ABCA13: variants seen among roughly 807,000 people sequenced by gnomAD.
ABCA13 encodes the protein ATP-binding cassette sub-family A member 13.
A neutral mutation model predicts 478.7 loss-of-function variants in ABCA13; 476 were observed. That is an observed-to-expected ratio of 0.99 (90% CI 0.92 to 1.07). ABCA13 has a LOEUF of 1.07. ABCA13 is among the 50% of genes least tolerant of loss of function. ABCA13 has a pLI of 0.00. For missense variants in ABCA13, 6,060 were observed against 5,910.6 expected, an observed-to-expected ratio of 1.03 and a Z score of -0.83; for synonymous variants, 2,252 against 2,158.9, an observed-to-expected ratio of 1.04 and a Z score of -1.20.
chr7:48,557,793 G>A (rs529330243), intron 55 of ABCA13, among the ~76,000 whole-genome samples: 6 of 151,996 alleles, frequency 3.9e-5, no homozygotes, highest in Non-Finnish European at 8.8e-5. Context: ...AATTACATTT[G>A]CACCAACGTA....
At chr7:48,197,827 T>G (rs922784093) in intron 2 of ABCA13, among the ~76,000 whole-genome samples, 9 of 152,310 alleles carry the variant, frequency 5.9e-5, no homozygotes, top group African/African-American at 2.2e-4. Context: ...CTTGAAGTTT[T>G]TTTGCCAAAA....
chr7:48,368,978 A>G (rs993685099), intron 32 of ABCA13, among the ~76,000 whole-genome samples: 1 of 151,978 alleles, frequency 6.6e-6, no homozygotes, highest in Non-Finnish European at 1.5e-5. Flanking sequence ...GAATCTCCAC[A>G]CTGTTTTCCA....
chr7:48,632,561 T>A lies in ABCA13; in HGVS notation c.14838-10727T>A, dbSNP rs532707551. Among the ~76,000 whole-genome samples the A allele has an allele frequency of 2.7e-4, 41 of 152,352 alleles. 2 individuals carry two copies. In the South Asian group the frequency reaches 8.3e-3, roughly 31 times the overall value. On this transcript the variant is annotated intron_variant, in intron 59 of 61. Coordinates refer to ENST00000435803, the MANE Select transcript of ABCA13 (RefSeq NM_152701.5). The stretch of plus-strand genomic sequence containing the variant: ...TATAGTTTTAGCACTTACATTTAAG[T>A]CTTCGATTCATCTTTAGTAATTCTT...
intron 48 of ABCA13, among the ~76,000 whole-genome samples, chr7:48,502,342 G>A (rs1248936692): frequency 1.3e-5 from 2 of 152,200 alleles, no homozygotes; most frequent in Non-Finnish European, 2.9e-5. Flanking sequence ...CTAGGATACA[G>A]AAAGCAAATA....
chr7:48,588,261 A>G (rs757595628), intron 57 of ABCA13, among the ~76,000 whole-genome samples: 14 of 152,226 alleles, frequency 9.2e-5, no homozygotes, highest in Non-Finnish European at 1.9e-4. Context: ...AGAATCTGAT[A>G]ATAAAAACTA....
rs1233100880 is a variant in ABCA13 at position 48,313,251 on chromosome 7, C to T, written c.9681+20C>T. The T allele has an allele frequency of 6.3e-7, 1 of 1,589,650 alleles. No homozygotes were observed. The highest frequency in any genetic ancestry group is 1.3e-5 in the African/African-American group (1 of 74,482). ...CAACAGGTGTGTGTTTCATCTTTGT[C>T]CCTAGGGAAATATTCAAATTTGCCC... On this transcript the variant is annotated intron_variant, in intron 25 of 61. Transcript: ENST00000435803.
chr7:48,645,333 T>C, intron 61 of ABCA13, 84 bp from the exon 62 acceptor site: 2 of 1,095,218 alleles, frequency 1.8e-6, no homozygotes, highest in Non-Finnish European at 2.7e-6. Context: ...TGGCCAGTGT[T>C]CTGAGACAAT....
At position 48,528,277 on chromosome 7, in the gene ABCA13, G is replaced by T; in HGVS notation, c.14286G>T (p.Thr4762=). The T allele has an allele frequency of 6.3e-7, 1 of 1,579,668 alleles. No homozygotes were observed. Among genetic ancestry groups the T allele is most frequent in the South Asian group, 1.2e-5 (1 of 85,854 alleles). ...LLGVNGAGKS[T]TFKMLNGEVS... is the part of the protein sequence containing the mutation. ...GGGTGAATGGAGCTGGGAAGAGCAC[G>T]ACTTTCAAAATGCTGAATGGTGAAG... Residue 4762 remains threonine (T), a synonymous_variant, in exon 55 of 62, where the codon ACG becomes ACT. Transcript: ENST00000435803.
chr7:48,221,870 C>T (rs1303397221), intron 5 of ABCA13, among the ~76,000 whole-genome samples: 1 of 152,218 alleles, frequency 6.6e-6, no homozygotes, highest in Non-Finnish European at 1.5e-5. Flanking sequence ...TGACCCAGAA[C>T]ATCAGTAGTC....
At chr7:48,521,095 A>G (rs1343209046) in intron 53 of ABCA13, among the ~76,000 whole-genome samples, 2 of 147,858 alleles carry the variant, frequency 1.4e-5, no homozygotes, top group Non-Finnish European at 3.0e-5. Context: ...TACTATAAAT[A>G]GGATTTAATG....
At chr7:48,438,618 C>G (rs922684304) in intron 42 of ABCA13, among the ~76,000 whole-genome samples, 8 of 138,524 alleles carry the variant, frequency 5.8e-5, no homozygotes, top group African/African-American at 2.1e-4. Context: ...TTGACTTTTG[C>G]TACCTTTTCT....
intron 44 of ABCA13, among the ~76,000 whole-genome samples, chr7:48,470,857 G>A (rs1025025030): frequency 6.6e-6 from 1 of 152,090 alleles, no homozygotes; most frequent in Non-Finnish European, 1.5e-5. Flanking sequence ...TTGTAATTCG[G>A]TAAATGCTAG....
At chr7:48,553,397 A>G (rs1429365550) in intron 55 of ABCA13, among the ~76,000 whole-genome samples, 2 of 152,056 alleles carry the variant, frequency 1.3e-5, no homozygotes, top group African/African-American at 2.4e-5. Context: ...ACTTTTCTCC[A>G]TAGTGACTAC....
chr7:48,372,531 A>AAC, intron 33 of ABCA13, 34 bp downstream of exon 33: 1 of 1,472,338 alleles, frequency 6.8e-7, no homozygotes, highest in South Asian at 1.3e-5. Context: ...AAAAAAAAAA[A>AAC]AACAACAAAA....
At chr7:48,547,161 G>C (rs1007332174) in intron 55 of ABCA13, among the ~76,000 whole-genome samples, 1 of 147,076 alleles carries the variant, frequency 6.8e-6, no homozygotes, top group African/African-American at 2.6e-5. Flanking sequence ...CTCATATACA[G>C]TGTATATTTT....
chr7:48,284,933 A>G (rs960053341), intron 19 of ABCA13, among the ~76,000 whole-genome samples: 1 of 152,154 alleles, frequency 6.6e-6, no homozygotes, highest in African/African-American at 2.4e-5. Context: ...AAGATCTGTT[A>G]TTATTATTGT....
intron 35 of ABCA13, among the ~76,000 whole-genome samples, chr7:48,384,064 A>G (rs2129047207): frequency 6.6e-6 from 1 of 152,332 alleles, no homozygotes; most frequent in South Asian, 2.1e-4. Flanking sequence ...AGAATCCTAG[A>G]ATTTTAATTG....
At chr7:48,177,795 A>C (rs1005993992) in intron 1 of ABCA13, among the ~76,000 whole-genome samples, 1 of 152,192 alleles carries the variant, frequency 6.6e-6, no homozygotes, top group Non-Finnish European at 1.5e-5. Context: ...GCTAGATGAG[A>C]AGATAAAGTT....
chr7:48,465,744 A>G (rs964516927), intron 43 of ABCA13, among the ~76,000 whole-genome samples: 2 of 152,018 alleles, frequency 1.3e-5, no homozygotes, highest in African/African-American at 4.8e-5. Context: ...AATTGTTGTT[A>G]ACTACAGTCA....
Sources: allele counts gnomAD v4.1 joint callset (sites outside exome capture counted in the v4.1 genomes callset), GRCh38; gene constraint gnomAD v4.1.1; transcripts MANE v1.5; gene names NCBI Gene and HGNC (gene_info 2026-07-23, HGNC 2026-07-21).